Variants in HIBADH observed in about 807,000 individuals in gnomAD.
HIBADH encodes 3-hydroxyisobutyrate dehydrogenase, also known as 3-hydroxyisobutyrate dehydrogenase, mitochondrial.
Under a neutral mutation model 36.1 loss-of-function variants are expected in HIBADH, and 25 were observed. That is an observed-to-expected ratio of 0.69 (90% CI 0.50 to 0.97). HIBADH has a LOEUF of 0.97. Ranked by LOEUF, HIBADH falls within the 50% of genes least tolerant of loss-of-function variation. The probability of loss-of-function intolerance (pLI) is 0.00; values close to 1 mark genes in which losing one functional copy is unlikely to be tolerated. For synonymous variants in HIBADH, 160 were observed against 149.5 expected (o/e 1.07, Z -0.51); for missense variants, 421 against 418.0 (o/e 1.01, Z -0.06).
chr7:27,606,951 T>G (rs1785238152), intron 4 of HIBADH, among the ~76,000 whole-genome samples: 1 of 152,184 alleles, frequency 6.6e-6, no homozygotes, highest in African/African-American at 2.4e-5. Flanking sequence ...TGCTCTGGTC[T>G]CTGGCACCCC....
At chr7:27,584,905 A>G (rs906947027) in intron 4 of HIBADH, among the ~76,000 whole-genome samples, 1 of 151,998 alleles carries the variant, frequency 6.6e-6, no homozygotes, top group Non-Finnish European at 1.5e-5. Flanking sequence ...TTATTAGAAA[A>G]ATAATTTTCA....
chr7:27,531,653 G>T (rs1222812929), intron 6 of HIBADH, among the ~76,000 whole-genome samples: 1 of 152,012 alleles, frequency 6.6e-6, no homozygotes, highest in African/African-American at 2.4e-5. Flanking sequence ...TCACACTCAT[G>T]GGTTTTCTAG....
intron 4 of HIBADH, among the ~76,000 whole-genome samples, chr7:27,591,588 G>A (rs1227746828): frequency 6.6e-6 from 1 of 151,766 alleles, no homozygotes; most frequent in Non-Finnish European, 1.5e-5. Context: ...CCCACCACAA[G>A]TTCTGACTGC....
intron 4 of HIBADH, among the ~76,000 whole-genome samples, chr7:27,546,150 C>G (rs1784233061): frequency 6.6e-6 from 1 of 152,168 alleles, no homozygotes; most frequent in Non-Finnish European, 1.5e-5. Flanking sequence ...CTCTGTCACC[C>G]TGGCTGGAGT....
intron 4 of HIBADH, among the ~76,000 whole-genome samples, chr7:27,609,547 T>C (rs1785289142): frequency 6.6e-6 from 1 of 152,196 alleles, no homozygotes; most frequent in Non-Finnish European, 1.5e-5. Context: ...ATGGCTAACA[T>C]AATTGACCCA....
chr7:27,550,447 T>C (rs1205268350), intron 4 of HIBADH, among the ~76,000 whole-genome samples: 1 of 152,196 alleles, frequency 6.6e-6, no homozygotes, highest in East Asian at 1.9e-4. Context: ...GGTCTCCTCA[T>C]CTAACCCTTG....
intron 1 of HIBADH, among the ~76,000 whole-genome samples, chr7:27,657,670 A>T (rs1786332160): frequency 6.6e-6 from 1 of 152,158 alleles, no homozygotes; most frequent in African/African-American, 2.4e-5. Context: ...GGCAAAGTTA[A>T]AGAAAGGCCA....
rs3219776 is a variant in HIBADH at position 27,595,579 on chromosome 7, GGTGTGTGTGTGTGTGTGTGT to G, written c.484+33772_484+33791del. Reference sequence around the variant, plus strand: ...ATACAGTGTAATTTCCATAAGGGCAGGTGTGTGTGTGTGTGTGTGTGTGTGTGTGTGTGTGTGTGTGTGTG... The same window carrying G: ...ATACAGTGTAATTTCCATAAGGGCAGGTGTGTGTGTGTGTGTGTGTGTGTG... On this transcript the variant is annotated intron_variant, in intron 4 of 7. Transcript: ENST00000265395. 7.7e-5 allele frequency among the ~76,000 whole-genome samples: 11 copies of G among 143,436 alleles called. 1 individual carries two copies. The highest frequency in any genetic ancestry group is 7.2e-3 in the Middle Eastern group (2 of 278). The allele number at this position is 143,436 out of a possible 152,430, so 94.1% of individuals were successfully genotyped here.
At chr7:27,573,815 A>T (rs1424574526) in intron 4 of HIBADH, among the ~76,000 whole-genome samples, 3 of 152,222 alleles carry the variant, frequency 2.0e-5, no homozygotes, top group Non-Finnish European at 2.9e-5. Flanking sequence ...GTATGAAAAA[A>T]TGTGAAGTAT....
chr7:27,622,917 C>G (rs1785570473), intron 4 of HIBADH, among the ~76,000 whole-genome samples: 1 of 152,140 alleles, frequency 6.6e-6, no homozygotes, highest in Non-Finnish European at 1.5e-5. Context: ...TTCTATGAAG[C>G]TGGAATCACC....
intron 6 of HIBADH, among the ~76,000 whole-genome samples, chr7:27,532,968 A>C (rs2128183134): frequency 6.6e-6 from 1 of 152,376 alleles, no homozygotes; most frequent in South Asian, 2.1e-4. Context: ...ATAACTGCAA[A>C]GTACCAAATG....
chr7:27,542,437 CGTTTT>C (rs1784165734), intron 5 of HIBADH, among the ~76,000 whole-genome samples: 1 of 122,638 alleles, frequency 8.2e-6, no homozygotes, highest in Non-Finnish European at 1.7e-5. Flanking sequence ...TTTTTTTTCC[CGTTTT>C]TTTTTTTTTT....
intron 4 of HIBADH, among the ~76,000 whole-genome samples, chr7:27,572,264 G>C (rs1485704017): frequency 6.6e-6 from 1 of 152,148 alleles, no homozygotes; most frequent in East Asian, 1.9e-4. Context: ...ATTCTCTAAT[G>C]AGAAATGTAA....
chr7:27,601,945 G>A (rs1335618663), intron 4 of HIBADH, among the ~76,000 whole-genome samples: 3 of 151,922 alleles, frequency 2.0e-5, no homozygotes, highest in South Asian at 2.1e-4. Context: ...GTGTGATATC[G>A]ATAGAACAAG....
At chr7:27,545,634 T>C (rs1206141402) in intron 4 of HIBADH, among the ~76,000 whole-genome samples, 2 of 152,188 alleles carry the variant, frequency 1.3e-5, no homozygotes, top group Non-Finnish European at 2.9e-5. Context: ...TTCTAGTCCA[T>C]TTTCTAAAAT....
At chr7:27,530,463 T>A (rs1783975859) in intron 7 of HIBADH, among the ~76,000 whole-genome samples, 1 of 152,088 alleles carries the variant, frequency 6.6e-6, no homozygotes, top group Non-Finnish European at 1.5e-5. Flanking sequence ...CTCCTCGGCC[T>A]CCCAAAATGC....
chr7:27,551,652 T>C (rs537449662), intron 4 of HIBADH, among the ~76,000 whole-genome samples: 2 of 152,166 alleles, frequency 1.3e-5, no homozygotes, highest in African/African-American at 4.8e-5. Context: ...TTCAATTCTA[T>C]GACTATTAGA....
intron 4 of HIBADH, among the ~76,000 whole-genome samples, chr7:27,614,239 A>G (rs1785386748): frequency 6.6e-6 from 1 of 152,206 alleles, no homozygotes; most frequent in Admixed American, 6.5e-5. Context: ...CATCCCCACT[A>G]AATTGATCAT....
intron 4 of HIBADH, among the ~76,000 whole-genome samples, chr7:27,573,562 T>A (rs189477265): frequency 2.1e-3 from 324 of 152,244 alleles, no homozygotes; most frequent in African/African-American, 7.6e-3. Context: ...GGAAGAAGTA[T>A]AGGAAAAAAG....
Sources: allele counts gnomAD v4.1 joint callset (sites outside exome capture counted in the v4.1 genomes callset), GRCh38; gene constraint gnomAD v4.1.1; transcripts MANE v1.5; gene names NCBI Gene and HGNC (gene_info 2026-07-23, HGNC 2026-07-21).